USH1C: variants seen among roughly 807,000 people sequenced by gnomAD.
USH1C encodes harmonin.
A neutral mutation model predicts 119.3 loss-of-function variants in USH1C; 90 were observed. The ratio of observed to expected loss-of-function variants is 0.75; its 90% CI spans 0.64 to 0.90. USH1C has a LOEUF of 0.90. Ranked by LOEUF, USH1C falls within the 40% of genes least tolerant of loss-of-function variation. The probability of loss-of-function intolerance (pLI) is 0.00; values close to 1 mark genes in which losing one functional copy is unlikely to be tolerated. For missense variants in USH1C, 1,165 were observed against 1,167.7 expected (o/e 1.00, Z 0.03); for synonymous variants, 465 against 443.3 (o/e 1.05, Z -0.62).
chr11:17,501,899 C>T lies in USH1C; in HGVS notation c.2226+40G>A, dbSNP rs771144784. 1.1e-5 allele frequency: 17 copies of T among 1,609,004 alleles called. No homozygotes were observed. In the South Asian group the frequency reaches 1.6e-4, roughly 15 times the overall value. On this transcript the variant is annotated intron_variant, in intron 21 of 26. Transcript: ENST00000005226. Reference sequence around the variant, plus strand: ...CCTCTAACCCCCACACTGCCCTGTTCCTGGGGTTACTTGTCCAGGAGAGAA... The same window carrying T: ...CCTCTAACCCCCACACTGCCCTGTTTCTGGGGTTACTTGTCCAGGAGAGAA...
chr11:17,513,001 C>T (rs1242152829), intron 15 of USH1C, among the ~76,000 whole-genome samples: 2 of 152,162 alleles, frequency 1.3e-5, no homozygotes, highest in African/African-American at 2.4e-5. Context: ...TATGAACTGC[C>T]TATGTGCCAA....
intron 26 of USH1C, chr11:17,494,666 G>A: frequency 2.1e-6 from 1 of 486,326 alleles, no homozygotes; most frequent in Non-Finnish European, 3.8e-6. Flanking sequence ...GAAAACATAG[G>A]GCCATGCAGG....
rs1385393102 is a variant in USH1C, at chr11:17,522,799, T to C, written c.1004A>G (p.Gln335Arg). The change falls in exon 12 of 27, where the codon CAG (glutamine) becomes CGG (arginine). Residue 335 changes from glutamine (Q) to arginine (R), a missense_variant. By Grantham distance (43) the Gln-to-Arg change is conservative (BLOSUM62 1). Coordinates refer to ENST00000005226, the MANE Select transcript of USH1C (RefSeq NM_153676.4). ...MESNKILQEQ[Q>R]EMERQRRKEI... Reference sequence around the variant, plus strand: ...CTGCACTCACTGCCGCTCCATCTCCTGCTGCTCCTGGAGGATCTTGTTGGA... The same window carrying C: ...CTGCACTCACTGCCGCTCCATCTCCCGCTGCTCCTGGAGGATCTTGTTGGA... The C allele has an allele frequency of 1.9e-6, 3 of 1,613,908 alleles. No homozygotes were observed. The highest frequency in any genetic ancestry group is 1.3e-5 in the African/African-American group (1 of 74,910).
intron 23 of USH1C, among the ~76,000 whole-genome samples, chr11:17,500,170 G>A (rs1001998508): frequency 3.3e-5 from 5 of 152,200 alleles, no homozygotes; most frequent in African/African-American, 1.2e-4. Flanking sequence ...TAGATAAGGG[G>A]ATAAAGAACA....
chr11:17,514,643 C>T (rs542015852), intron 15 of USH1C: 6 of 152,248 alleles, frequency 3.9e-5, no homozygotes, highest in Admixed American at 2.0e-4. Flanking sequence ...AAAATGATGA[C>T]GGGTTTTCAG....
intron 1 of USH1C, among the ~76,000 whole-genome samples, chr11:17,542,421 C>T (rs761678771): frequency 2.6e-5 from 4 of 152,266 alleles, no homozygotes; most frequent in Non-Finnish European, 5.9e-5. Context: ...GGCAGCAGGG[C>T]ACAAAGTCCA....
chr11:17,499,264 A>T (rs984824676), intron 23 of USH1C, among the ~76,000 whole-genome samples: 1 of 152,214 alleles, frequency 6.6e-6, no homozygotes, highest in Non-Finnish European at 1.5e-5. Context: ...ATGAAGGCCC[A>T]TAGGAATGTG....
intron 14 of USH1C, among the ~76,000 whole-genome samples, chr11:17,519,629 C>T (rs1262603419): frequency 6.6e-6 from 1 of 152,188 alleles, no homozygotes; most frequent in Non-Finnish European, 1.5e-5. Context: ...CTGTCTAAAA[C>T]AGCGATCATT....
intron 25 of USH1C, 57 bp downstream of exon 25, chr11:17,496,701 G>T: frequency 6.2e-7 from 1 of 1,603,360 alleles, no homozygotes; most frequent in Non-Finnish European, 8.5e-7. Flanking sequence ...GAGAAAGGTG[G>T]CTGAGATTCT....
At chr11:17,530,285 G>A (rs1850900628) in intron 4 of USH1C, among the ~76,000 whole-genome samples, 3 of 152,210 alleles carry the variant, frequency 2.0e-5, no homozygotes, top group Non-Finnish European at 4.4e-5. Flanking sequence ...GTGAGACCTG[G>A]AGGTCTGCCC....
Position 17,522,840 on chromosome 11 carries a change from C to T in USH1C, c.963G>A (p.Lys321=). The part of the protein sequence containing the change: ...ELQRQELLMQ[K]RLAMESNKIL... ...TCTTGTTGGACTCCATCGCCAGCCG[C>T]TTCTGCATGAGAAGCTCCTGCCGCT... is the stretch of plus-strand genomic sequence containing the variant. Residue 321 remains lysine, a synonymous_variant, in exon 12 of 27, where the codon AAG becomes AAA. Transcript: ENST00000005226. 1.2e-6 allele frequency: 2 copies of T among 1,613,722 alleles called. No homozygotes were observed. Among genetic ancestry groups the T allele is most frequent in the Non-Finnish European group, 1.7e-6 (2 of 1,179,904 alleles).
Position 17,526,430 on chromosome 11 carries a change from G to A in USH1C, c.591C>T (p.Gly197=). Residue 197 remains glycine, a synonymous_variant, in exon 8 of 27, where the codon GGC becomes GGT. Transcript: ENST00000005226. ...CCCGATTTCCAGGGGAGCCCAGGCTGCCTCGCACGCCCTGAAAGAGAGATA... is the reference window on the plus strand; with the variant it reads ...CCCGATTTCCAGGGGAGCCCAGGCTACCTCGCACGCCCTGAAAGAGAGATA... The part of the protein sequence containing the change: ...QFVSESGGVR[G]SLGSPGNREN... 1 of 1,613,984 alleles carries A rather than the reference G, an allele frequency of 6.2e-7. No individual in the cohort carries two copies. Among genetic ancestry groups the A allele is most frequent in the Non-Finnish European group, 8.5e-7 (1 of 1,179,938 alleles).
At chr11:17,506,020 T>C (rs779154376) in intron 18 of USH1C, 71 bp from the exon 19 acceptor site, 26 of 1,606,592 alleles carry the variant, frequency 1.6e-5, no homozygotes, top group Non-Finnish European at 2.1e-5. Flanking sequence ...ATGCTACTTC[T>C]ACACACATGC....
At chr11:17,541,578 C>G (rs569080097) in intron 1 of USH1C, among the ~76,000 whole-genome samples, 1 of 152,218 alleles carries the variant, frequency 6.6e-6, no homozygotes, top group Non-Finnish European at 1.5e-5. Flanking sequence ...GCTGGTGCTG[C>G]GAACAGAAGA....
chr11:17,507,831 GTTGCCATCCCTCA>G (rs1849708989), intron 18 of USH1C, among the ~76,000 whole-genome samples: 1 of 152,158 alleles, frequency 6.6e-6, no homozygotes, highest in Non-Finnish European at 1.5e-5. Flanking sequence ...TCCTCCATGT[GTTGCCATCCCTCA>G]AGGCTCAGCT....
intron 4 of USH1C, among the ~76,000 whole-genome samples, chr11:17,530,326 C>A (rs1345264774): frequency 6.6e-6 from 1 of 152,194 alleles, no homozygotes; most frequent in African/African-American, 2.4e-5. Flanking sequence ...GTGTGGGGAC[C>A]CCAAAGGAGA....
chr11:17,526,021 C>A (rs745364326), intron 8 of USH1C, among the ~76,000 whole-genome samples: 5 of 151,868 alleles, frequency 3.3e-5, no homozygotes, highest in Admixed American at 6.6e-5. Context: ...GGCAACATAA[C>A]AAAACTCCAT....
intron 8 of USH1C, among the ~76,000 whole-genome samples, chr11:17,525,423 T>G (rs896255612): frequency 6.6e-6 from 1 of 152,264 alleles, no homozygotes; most frequent in East Asian, 1.9e-4. Flanking sequence ...ACTTAAATAA[T>G]AATAGCTAAT....
chr11:17,540,760 C>T (rs1023052332), intron 1 of USH1C, among the ~76,000 whole-genome samples: 1 of 152,204 alleles, frequency 6.6e-6, no homozygotes, highest in African/African-American at 2.4e-5. Flanking sequence ...CATTCTCACC[C>T]GAGTCCGAGC....
Sources: gnomAD v4.1 joint callset for allele counts (sites outside exome capture counted in the v4.1 genomes callset) on GRCh38, gnomAD v4.1.1 for gene constraint, MANE v1.5 for transcripts, NCBI Gene and HGNC (gene_info 2026-07-23, HGNC 2026-07-21) for gene names.